The following ABLIM2 variants were observed in gnomAD, a reference collection of about 807,000 sequenced individuals.
ABLIM2 encodes the protein actin binding LIM protein family member 2, also known as actin-binding LIM protein 2.
ABLIM2 carries 53 observed loss-of-function variants against 97.7 expected under a neutral mutation model. The observed-to-expected ratio is 0.54, with a 90% CI of 0.44 to 0.68. The LOEUF (loss-of-function observed/expected upper bound fraction) is 0.68. Among genes scored for constraint, ABLIM2 ranks in the 30% least tolerant of loss-of-function variants. ABLIM2 has a pLI of 0.00. For synonymous variants in ABLIM2, 361 were observed against 345.8 expected (o/e 1.04, Z -0.49); for missense variants, 835 against 867.2 (o/e 0.96, Z 0.47).
At position 8,148,117 on chromosome 4, in the gene ABLIM2, T is replaced by C. The variant is rs938941058; in HGVS notation, c.10+10563A>G. Among the ~76,000 whole-genome samples, 3 of 152,126 alleles carry C rather than the reference T, an allele frequency of 2.0e-5. No individual in the cohort carries two copies. The highest frequency in any genetic ancestry group is 7.2e-5 in the African/African-American group (3 of 41,448). ...AGAAACCCCTCACCAAAGCCCACCA[T>C]GCGCACCTTCCCCGGCAGAGAAGGG... On this transcript the variant is annotated intron_variant, in intron 1 of 20. Coordinates refer to ENST00000447017, the MANE Select transcript of ABLIM2 (RefSeq NM_001130083.2). This position sits in a 1 kb window ranked among gnomAD's most constrained non-coding sequence, Gnocchi z 6.7.
chr4:8,086,284 C>CAA (rs140575003), intron 4 of ABLIM2, among the ~76,000 whole-genome samples: 9 of 129,076 alleles, frequency 7.0e-5, no homozygotes, highest in African/African-American at 1.5e-4. Context: ...TTGAAAACCT[C>CAA]AAAAAAAAAA....
At chr4:8,088,114 C>T in intron 4 of ABLIM2, 55 bp downstream of exon 4, 1 of 499,740 alleles carries the variant, frequency 2.0e-6, no homozygotes, top group African/African-American at 2.4e-5. Context: ...ACCCATTTAG[C>T]ACCCCCCACT....
intron 6 of ABLIM2, among the ~76,000 whole-genome samples, chr4:8,064,135 G>A (rs918420624): frequency 2.0e-4 from 30 of 152,204 alleles, no homozygotes; most frequent in Admixed American, 4.6e-4. Flanking sequence ...GTGTGCTCTC[G>A]CCATTGCTCC....
Position 7,980,941 on chromosome 4 carries a change from AT to A in ABLIM2, c.1824+2322del, listed in dbSNP as rs1167615555. ...AGAACCATGGTCTCCACAACCCCTT[AT>A]TTTTTTTTTTTTTTTTTTTGAGATG... is the stretch of plus-strand genomic sequence containing the variant. On this transcript the variant is annotated intron_variant, in intron 20 of 20. Coordinates refer to ENST00000447017, the MANE Select transcript of ABLIM2 (RefSeq NM_001130083.2). Among the ~76,000 whole-genome samples the A allele has an allele frequency of 1.6e-3, 130 of 82,970 alleles. 2 individuals carry two copies. The highest frequency in any genetic ancestry group is 7.9e-3 in the Middle Eastern group (1 of 126). 54.4% of individuals were successfully genotyped at this position (82,970 alleles called of 152,430 possible). A position where few individuals can be genotyped will look rare whatever the true frequency, so the allele number is the denominator to read the frequency against.
At chr4:8,118,869 T>C (rs377117533) in intron 1 of ABLIM2, among the ~76,000 whole-genome samples, 146 of 152,344 alleles carry the variant, frequency 9.6e-4, no homozygotes, top group African/African-American at 3.4e-3. Context: ...AGCTCTGCAC[T>C]GGAGGCTTCA....
chr4:7,992,964 G>T lies in ABLIM2; in HGVS notation c.1619-37C>A. The T allele has an allele frequency of 6.2e-7, 1 of 1,605,906 alleles. No homozygotes were observed. Among genetic ancestry groups the T allele is most frequent in the Non-Finnish European group, 8.5e-7 (1 of 1,175,710 alleles). Reference sequence around the variant, plus strand: ...ACAGCACAGCTTTGTCACGCGCGCAGACTCGGTGCAGCAATGGGGGTGCAG... The same window carrying T: ...ACAGCACAGCTTTGTCACGCGCGCATACTCGGTGCAGCAATGGGGGTGCAG... On this transcript the variant is annotated intron_variant, in intron 16 of 20. Coordinates refer to ENST00000447017, the MANE Select transcript of ABLIM2 (RefSeq NM_001130083.2). This position sits in a 1 kb window ranked among gnomAD's most constrained non-coding sequence, Gnocchi z 5.7.
rs1790114486 is a variant in ABLIM2, at chr4:8,043,503, G to C, written c.900+1661C>G. On this transcript the variant is annotated intron_variant, in intron 9 of 20. Coordinates refer to ENST00000447017, the MANE Select transcript of ABLIM2 (RefSeq NM_001130083.2). The surrounding 1 kb of genome is among the most constrained non-coding windows in gnomAD (Gnocchi z 4.8). ...ACTGCATTTGGATGCAGGGCCTTAA[G>C]AGAGGTCATCAAGTTAAAACAAGAC... Among the ~76,000 whole-genome samples the C allele has an allele frequency of 6.6e-6, 1 of 152,130 alleles. No individual in the cohort carries two copies. The highest frequency in any genetic ancestry group is 2.1e-4 in the South Asian group (1 of 4,818).
intron 20 of ABLIM2, among the ~76,000 whole-genome samples, chr4:7,975,686 T>C (rs1732451010): frequency 6.6e-6 from 1 of 152,200 alleles, no homozygotes; most frequent in South Asian, 2.1e-4. Flanking sequence ...TTAACATATA[T>C]AGCTAAAAGT....
intron 1 of ABLIM2, among the ~76,000 whole-genome samples, chr4:8,116,370 C>A (rs533949196): frequency 3.9e-5 from 6 of 152,224 alleles, no homozygotes; most frequent in Admixed American, 3.9e-4. Flanking sequence ...AGAAGCTCCC[C>A]CTCCAAACCC....
At chr4:8,107,588 C>G (rs2152760443) in intron 1 of ABLIM2, among the ~76,000 whole-genome samples, 1 of 152,334 alleles carries the variant, frequency 6.6e-6, no homozygotes, top group Non-Finnish European at 1.5e-5. Context: ...GAGGCAAGTG[C>G]TGGCCTGTGA....
chr4:8,096,920 G>C (rs1489886058), intron 3 of ABLIM2, among the ~76,000 whole-genome samples, 179 bp downstream of exon 3: 1 of 152,222 alleles, frequency 6.6e-6, no homozygotes, highest in Non-Finnish European at 1.5e-5. Context: ...CTCCCTGTGA[G>C]GAGGCCTCTG....
chr4:8,154,001 C>G (rs1370947761), intron 1 of ABLIM2, among the ~76,000 whole-genome samples: 2 of 137,478 alleles, frequency 1.5e-5, no homozygotes, highest in Non-Finnish European at 3.0e-5. Flanking sequence ...CTCACTCTGT[C>G]GCCCAGGCTG....
rs1024646737 is a variant in ABLIM2, at chr4:8,054,644, G to A, written c.764-398C>T. Among the ~76,000 whole-genome samples, 28 of 152,240 alleles carry A rather than the reference G, an allele frequency of 1.8e-4. No homozygotes were observed. The highest frequency in any genetic ancestry group is 8.5e-4 in the Admixed American group (13 of 15,282). ...GTAGGATTGGCTGCCTGCATGTTGA[G>A]GGCAATGGCTGGGCCCACCTGCAGA... On this transcript the variant is annotated intron_variant, in intron 7 of 20. Transcript: ENST00000447017. This position sits in a 1 kb window ranked among gnomAD's most constrained non-coding sequence, Gnocchi z 4.9.
chr4:8,153,578 T>G (rs1254346795), intron 1 of ABLIM2, among the ~76,000 whole-genome samples: 2 of 152,206 alleles, frequency 1.3e-5, no homozygotes, highest in Non-Finnish European at 2.9e-5. Context: ...AGGGAAAATC[T>G]GCAGCAGTGC....
rs1258669216 is a variant in ABLIM2, at chr4:8,130,697, C to T, written c.11-24060G>A. On this transcript the variant is annotated intron_variant, in intron 1 of 20. Coordinates refer to ENST00000447017, the MANE Select transcript of ABLIM2 (RefSeq NM_001130083.2). This position sits in a 1 kb window ranked among gnomAD's most constrained non-coding sequence, Gnocchi z 4.2. ...TCCTGGAGGAGGGGGTATCAAAGTC[C>T]AGCTGTGAGATGGAGGAGGAATTAG... Among the ~76,000 whole-genome samples, 1 of 152,080 alleles carries T rather than the reference C, an allele frequency of 6.6e-6. No homozygotes were observed. Among genetic ancestry groups the T allele is most frequent in the African/African-American group, 2.4e-5 (1 of 41,396 alleles).
chr4:8,009,009 G>A (rs777568874), intron 15 of ABLIM2, 41 bp downstream of exon 15: 20 of 1,611,144 alleles, frequency 1.2e-5, no homozygotes, highest in Non-Finnish European at 1.5e-5. Context: ...ATTTCTTTCT[G>A]AGCAAGGCTG....
At chr4:8,090,773 C>G (rs530443987) in intron 3 of ABLIM2, among the ~76,000 whole-genome samples, 4 of 134,430 alleles carry the variant, frequency 3.0e-5, no homozygotes, top group Admixed American at 1.5e-4. Context: ...GTCAGCCTCG[C>G]GTTTTTCAGG....
intron 17 of ABLIM2, among the ~76,000 whole-genome samples, chr4:7,987,901 A>G (rs1745668684): frequency 6.6e-6 from 1 of 152,218 alleles, no homozygotes; most frequent in Admixed American, 6.5e-5. Flanking sequence ...CTAAGTGGCC[A>G]GAGGGCACCA....
intron 16 of ABLIM2, among the ~76,000 whole-genome samples, chr4:7,997,699 G>A (rs951954671): frequency 6.6e-6 from 1 of 152,100 alleles, no homozygotes; most frequent in Non-Finnish European, 1.5e-5. Flanking sequence ...CTGCTGCTGG[G>A]TGGGAGATGT....
Sources: allele counts gnomAD v4.1 joint callset (sites outside exome capture counted in the v4.1 genomes callset), GRCh38; gene constraint gnomAD v4.1.1; non-coding constraint Gnocchi (gnomAD v3.1); transcripts MANE v1.5; gene names NCBI Gene and HGNC (gene_info 2026-07-23, HGNC 2026-07-21).